SLC25A37: variants seen among roughly 807,000 people sequenced by gnomAD.
SLC25A37 encodes mitoferrin-1.
In SLC25A37, 17 loss-of-function variants were observed where a neutral mutation model predicts 31.0. That is an observed-to-expected ratio of 0.55 (90% CI 0.38 to 0.82). SLC25A37 has a LOEUF of 0.82. Ranked by LOEUF, SLC25A37 falls within the 40% of genes least tolerant of loss-of-function variation. The pLI is 0.00. For synonymous variants in SLC25A37, 222 were observed against 193.0 expected, an observed-to-expected ratio of 1.15 and a Z score of -1.24; for missense variants, 404 against 465.8, an observed-to-expected ratio of 0.87 and a Z score of 1.22.
At chr8:23,559,075 G>C (rs2117438655) in intron 1 of SLC25A37, among the ~76,000 whole-genome samples, 1 of 152,336 alleles carries the variant, frequency 6.6e-6, no homozygotes, top group African/African-American at 2.4e-5. Context: ...GGTGTCTCTG[G>C]TTATTAAATG....
In SLC25A37 at chr8:23,571,768, G is replaced by A. The variant is rs771283665; in HGVS notation, c.930G>A (p.Met310Ile). 3 of 1,614,028 alleles carry A rather than the reference G, an allele frequency of 1.9e-6. No homozygotes were observed. The highest frequency in any genetic ancestry group is 1.1e-5 in the South Asian group (1 of 91,074). Residue 310 changes from methionine to isoleucine, a missense_variant, in exon 4 of 4, where the codon ATG (methionine) becomes ATA (isoleucine). Coordinates refer to ENST00000519973, the MANE Select transcript of SLC25A37 (RefSeq NM_016612.4). Reference protein sequence around the residue: ...KGIQARVIYQMPSTAISWSVY... With the variant: ...KGIQARVIYQIPSTAISWSVY... ...TCCAGGCGCGTGTCATCTACCAGAT[G>A]CCCTCCACCGCCATTTCTTGGTCTG...
intron 1 of SLC25A37, among the ~76,000 whole-genome samples, chr8:23,549,570 A>G (rs183724827): frequency 1.3e-5 from 2 of 152,274 alleles, no homozygotes; most frequent in East Asian, 3.9e-4. Context: ...AGACCCTTAG[A>G]ACGGCAAGCC....
rs1018561437 is a variant in SLC25A37 at position 23,573,975 on chromosome 8, A to G, written c.*2120A>G. Reference sequence around the variant, plus strand: ...GTGTTAAATTCTGCAAATGGAGGGGAAAAAAATCAAATTCTAAATTTCAAA... The same window carrying G: ...GTGTTAAATTCTGCAAATGGAGGGGGAAAAAATCAAATTCTAAATTTCAAA... On this transcript the variant is annotated 3_prime_UTR_variant, in exon 4 of 4. Coordinates refer to ENST00000519973, the MANE Select transcript of SLC25A37 (RefSeq NM_016612.4). The G allele has an allele frequency of 2.3e-5, 8 of 350,800 alleles. No homozygotes were observed. Among genetic ancestry groups the G allele is most frequent in the Admixed American group, 3.6e-5 (1 of 27,906 alleles). The allele number at this position is 350,800 out of a possible 1,614,324, so 21.7% of individuals were successfully genotyped here.
intron 1 of SLC25A37, among the ~76,000 whole-genome samples, chr8:23,535,815 A>G (rs1801755556): frequency 6.6e-6 from 1 of 152,174 alleles, no homozygotes; most frequent in South Asian, 2.1e-4. Context: ...TTTTCCCCAT[A>G]TAAAATCATC....
intron 1 of SLC25A37, among the ~76,000 whole-genome samples, chr8:23,531,167 T>G (rs1801653852): frequency 2.0e-5 from 3 of 152,190 alleles, no homozygotes; most frequent in Admixed American, 2.0e-4. Flanking sequence ...TGCTGAAGTG[T>G]GCAGGGTTGG....
Position 23,529,428 on chromosome 8 carries a change from GC to G in SLC25A37, c.210+219del, listed in dbSNP as rs2117373961. 6.6e-6 allele frequency among the ~76,000 whole-genome samples: 1 copy of G among 151,760 alleles called. No individual in the cohort carries two copies. The highest frequency in any genetic ancestry group is 1.9e-4 in the East Asian group (1 of 5,130). On this transcript the variant is annotated intron_variant, in intron 1 of 3. Transcript: ENST00000519973. The surrounding 1 kb of genome is among the most constrained non-coding windows in gnomAD (Gnocchi z 4.1). ...GGGTGCCCGGTCCTCGCCCCGCACCGCCCGCTGCTCCAGCCGCGTGCCCGGC... is the reference window on the plus strand; with the variant it reads ...GGGTGCCCGGTCCTCGCCCCGCACCGCCGCTGCTCCAGCCGCGTGCCCGGC...
chr8:23,546,558 A>ATATATATATATATATATATATAGTG (rs1563256117), intron 1 of SLC25A37, among the ~76,000 whole-genome samples: 800 of 32,624 alleles, frequency 0.025, 13 homozygotes, highest in Non-Finnish European at 0.038. Context: ...TATATAGTGT[A>ATATATATATATATATATATATAGTG]TATATATATA....
At chr8:23,551,356 G>A (rs1802219872) in intron 1 of SLC25A37, among the ~76,000 whole-genome samples, 1 of 152,162 alleles carries the variant, frequency 6.6e-6, no homozygotes, top group African/African-American at 2.4e-5. Context: ...CACCAGGTGC[G>A]AGTCCCCTTG....
intron 1 of SLC25A37, among the ~76,000 whole-genome samples, chr8:23,547,384 G>A (rs1348219042): frequency 1.3e-5 from 2 of 152,188 alleles, no homozygotes; most frequent in South Asian, 4.1e-4. Flanking sequence ...GCATTTTAGG[G>A]TGAATTGTAA....
chr8:23,539,940 G>A (rs922957419), intron 1 of SLC25A37, among the ~76,000 whole-genome samples: 4 of 152,208 alleles, frequency 2.6e-5, no homozygotes, highest in South Asian at 2.1e-4. Context: ...CAGTGTTGCT[G>A]TGAGAATTAA....
In SLC25A37 at chr8:23,531,401, T is replaced by C. The variant is rs148892631; in HGVS notation, c.210+2189T>C. Among the ~76,000 whole-genome samples, 887 of 152,352 alleles carry C rather than the reference T, an allele frequency of 5.8e-3. 9 individuals carry two copies. The highest frequency in any genetic ancestry group is 0.021 in the African/African-American group (856 of 41,578). On this transcript the variant is annotated intron_variant, in intron 1 of 3. Transcript: ENST00000519973. The stretch of plus-strand genomic sequence containing the variant: ...CTCACTTGCTTCATGCCTCGGGCAC[T>C]GTTCTGTGCCTTAGTTTTGTCACTA...
intron 1 of SLC25A37, among the ~76,000 whole-genome samples, chr8:23,538,299 T>C (rs968095632): frequency 2.1e-5 from 3 of 144,008 alleles, no homozygotes; most frequent in African/African-American, 7.8e-5. Context: ...GAGAATCACT[T>C]GAACCTGGGA....
intron 1 of SLC25A37, among the ~76,000 whole-genome samples, chr8:23,556,634 A>ATG (rs1263961768): frequency 4.6e-5 from 7 of 151,598 alleles, no homozygotes; most frequent in Non-Finnish European, 7.4e-5. Flanking sequence ...GTGTGTATAT[A>ATG]TGTGTGTGTG....
At chr8:23,558,605 G>A (rs1188279060) in intron 1 of SLC25A37, among the ~76,000 whole-genome samples, 4 of 152,226 alleles carry the variant, frequency 2.6e-5, no homozygotes, top group African/African-American at 9.6e-5. Context: ...TTGGTGTCAG[G>A]GGCTGACCCT....
intron 1 of SLC25A37, among the ~76,000 whole-genome samples, chr8:23,565,614 G>A (rs1430411930): frequency 6.6e-6 from 1 of 152,266 alleles, no homozygotes; most frequent in African/African-American, 2.4e-5. Context: ...ATTTCATGGT[G>A]TAGGGACTGA....
At chr8:23,551,480 C>G (rs1295907455) in intron 1 of SLC25A37, among the ~76,000 whole-genome samples, 1 of 151,946 alleles carries the variant, frequency 6.6e-6, no homozygotes, top group Non-Finnish European at 1.5e-5. Context: ...TGAGAGTGCT[C>G]CCAACCAGGG....
At position 23,572,203 on chromosome 8, in the gene SLC25A37, TA is replaced by T. The variant is rs540950017; in HGVS notation, c.*393del. On this transcript the variant is annotated 3_prime_UTR_variant, in exon 4 of 4. Transcript: ENST00000519973. ...GAAAATTTGCAGTGACTGAAAACAG[TA>T]AAAAAAAAAAAAAAAAAAAAAAAAA... 4 of 85,778 alleles carry T rather than the reference TA, an allele frequency of 4.7e-5. No homozygotes were observed. Among genetic ancestry groups the T allele is most frequent in the Admixed American group, 3.5e-4 (3 of 8,510 alleles). 5.3% of individuals were successfully genotyped at this position (85,778 alleles called of 1,614,324 possible).
At chr8:23,534,368 C>A (rs751686150) in intron 1 of SLC25A37, among the ~76,000 whole-genome samples, 5 of 152,190 alleles carry the variant, frequency 3.3e-5, no homozygotes, top group Non-Finnish European at 7.3e-5. Flanking sequence ...AAATTCCAGT[C>A]TTTGACTTAC....
intron 1 of SLC25A37, among the ~76,000 whole-genome samples, chr8:23,530,795 C>T (rs1801647150): frequency 1.3e-5 from 2 of 152,096 alleles, no homozygotes; most frequent in South Asian, 4.1e-4. Flanking sequence ...TTCGGGAACC[C>T]CACAGTGAGT....
Sources: allele counts gnomAD v4.1 joint callset (sites outside exome capture counted in the v4.1 genomes callset), GRCh38; gene constraint gnomAD v4.1.1; non-coding constraint Gnocchi (gnomAD v3.1); transcripts MANE v1.5; gene names NCBI Gene and HGNC (gene_info 2026-07-23, HGNC 2026-07-21).